RARB: variants seen among roughly 807,000 people sequenced by gnomAD.
The protein encoded by RARB is retinoic acid receptor beta, also known as HBV-activated protein.
RARB carries 17 observed loss-of-function variants against 51.9 expected under a neutral mutation model. The observed-to-expected ratio is 0.33, with a 90% CI of 0.22 to 0.49. RARB has a LOEUF of 0.49. Among genes scored for constraint, RARB ranks in the 20% least tolerant of loss-of-function variants. The pLI is 0.99. For missense variants in RARB, 369 were observed against 550.8 expected, an observed-to-expected ratio of 0.67 and a Z score of 3.30; for synonymous variants, 215 against 195.4, an observed-to-expected ratio of 1.10 and a Z score of -0.84.
intron 5 of RARB, among the ~76,000 whole-genome samples, chr3:25,222,079 C>T (rs1701960157): frequency 6.6e-6 from 1 of 152,162 alleles, no homozygotes; most frequent in Non-Finnish European, 1.5e-5. Flanking sequence ...GGTAATACAT[C>T]ACTGGCGTGA....
At chr3:25,032,615 G>T (rs1431913217) in intron 2 of RARB, among the ~76,000 whole-genome samples, 2 of 152,164 alleles carry the variant, frequency 1.3e-5, no homozygotes, top group Middle Eastern at 3.2e-3. Flanking sequence ...AGGGTGAAAA[G>T]CTTCAAAATA....
At chr3:24,885,809 A>T (rs545726394) in intron 2 of RARB, among the ~76,000 whole-genome samples, 26 of 152,296 alleles carry the variant, frequency 1.7e-4, no homozygotes, top group Non-Finnish European at 2.9e-4. Context: ...AAACCAGATG[A>T]TGTTTCAAAT....
chr3:24,927,553 T>A (rs1381076586), intron 2 of RARB, among the ~76,000 whole-genome samples: 1 of 151,976 alleles, frequency 6.6e-6, no homozygotes, highest in Non-Finnish European at 1.5e-5. Context: ...TCTTCAGTAA[T>A]TCAGATAAGA....
chr3:25,044,661 C>T (rs17015670), intron 2 of RARB, among the ~76,000 whole-genome samples: 21,987 of 152,102 alleles, frequency 0.14, 1,704 homozygotes, highest in South Asian at 0.29. Context: ...CTCTTGTTCC[C>T]TGCAAATACT....
At chr3:24,914,447 C>A (rs1695064741) in intron 2 of RARB, among the ~76,000 whole-genome samples, 1 of 152,106 alleles carries the variant, frequency 6.6e-6, no homozygotes, top group African/African-American at 2.4e-5. Flanking sequence ...GGTAATTCAA[C>A]CTTCCGGATT....
intron 2 of RARB, among the ~76,000 whole-genome samples, chr3:24,874,895 C>T (rs1174493426): frequency 1.3e-5 from 2 of 151,998 alleles, no homozygotes; most frequent in African/African-American, 4.8e-5. Flanking sequence ...TACTCTACTA[C>T]ACTAAAAGTT....
At position 25,586,992 on chromosome 3, in the gene RARB, G is replaced by A. The variant is rs79547902; in HGVS notation, c.786+6270G>A. ...ATTGCTGTGGGGTAGCCAGTGTAGCGGTTAAGAGGGTGGGCTTTGCAGTCC... is the reference window on the plus strand; with the variant it reads ...ATTGCTGTGGGGTAGCCAGTGTAGCAGTTAAGAGGGTGGGCTTTGCAGTCC... On this transcript the variant is annotated intron_variant, in intron 5 of 7. Transcript: ENST00000330688. Among the ~76,000 whole-genome samples, 336 of 152,322 alleles carry A rather than the reference G, an allele frequency of 2.2e-3. 1 individual carries two copies. Among genetic ancestry groups the A allele is most frequent in the African/African-American group, 7.4e-3 (309 of 41,572 alleles).
chr3:25,489,983 A>C (rs1272814555), intron 2 of RARB, among the ~76,000 whole-genome samples: 1 of 152,286 alleles, frequency 6.6e-6, no homozygotes, highest in Non-Finnish European at 1.5e-5. Flanking sequence ...CTGGAGCTTA[A>C]GTAATATTTT....
At chr3:24,916,885 A>G (rs970697262) in intron 2 of RARB, among the ~76,000 whole-genome samples, 2 of 152,308 alleles carry the variant, frequency 1.3e-5, no homozygotes, top group Middle Eastern at 3.4e-3. Context: ...GCCTACCTGT[A>G]TAATGAAACT....
chr3:25,506,714 A>G (rs1286644), intron 3 of RARB, among the ~76,000 whole-genome samples: 87,908 of 152,270 alleles, frequency 0.58, 28,156 homozygotes, highest in African/African-American at 0.87. Flanking sequence ...GTGTGGTTAT[A>G]TTCCAGTAAA....
chr3:24,973,173 C>A (rs1033906800), intron 2 of RARB, among the ~76,000 whole-genome samples: 2 of 151,976 alleles, frequency 1.3e-5, no homozygotes, highest in African/African-American at 4.8e-5. Flanking sequence ...AGATAAGGGC[C>A]TAGTTCATTC....
intron 2 of RARB, among the ~76,000 whole-genome samples, chr3:24,947,779 A>T (rs116206999): frequency 0.02 from 3,020 of 152,278 alleles, 59 homozygotes; most frequent in Middle Eastern, 0.065. Flanking sequence ...TCTCCAGTCA[A>T]ATAGAGCTGC....
chr3:24,889,875 C>T (rs1703343757), intron 2 of RARB, among the ~76,000 whole-genome samples: 1 of 146,790 alleles, frequency 6.8e-6, no homozygotes, highest in Admixed American at 6.9e-5. Flanking sequence ...GCAGACCATT[C>T]TAAGAAGTTA....
At chr3:25,122,665 T>C (rs1201643472) in intron 3 of RARB, among the ~76,000 whole-genome samples, 2 of 152,108 alleles carry the variant, frequency 1.3e-5, no homozygotes, top group Non-Finnish European at 1.5e-5. Flanking sequence ...AGTGAGATCT[T>C]GGTTAAATGG....
At position 24,941,264 on chromosome 3, in the gene RARB, C is replaced by T. The variant is rs554229257; in HGVS notation, c.-380+82512C>T. Among the ~76,000 whole-genome samples the T allele has an allele frequency of 6.6e-5, 10 of 152,150 alleles. No individual in the cohort carries two copies. The East Asian group carries it at 1.7e-3, about 26-fold the overall frequency. On this transcript the variant is annotated intron_variant, in intron 2 of 11. Transcript: ENST00000383772. The stretch of plus-strand genomic sequence containing the variant: ...CCTTAGCATTCTTGGAGATATTGGA[C>T]TAACTTTGGGTTGACAATTTTTACT...
At chr3:25,282,825 C>T (rs1703558622) in intron 5 of RARB, among the ~76,000 whole-genome samples, 1 of 152,220 alleles carries the variant, frequency 6.6e-6, no homozygotes, top group African/African-American at 2.4e-5. Flanking sequence ...TGGAAGCTTT[C>T]TCGTAAGCCT....
chr3:25,487,706 G>C (rs947429571), intron 2 of RARB, among the ~76,000 whole-genome samples: 1 of 152,178 alleles, frequency 6.6e-6, no homozygotes, highest in African/African-American at 2.4e-5. Context: ...CATTAATTCA[G>C]AATCTCCTTC....
At chr3:25,382,579 G>A (rs1030695830) in intron 5 of RARB, among the ~76,000 whole-genome samples, 3 of 152,190 alleles carry the variant, frequency 2.0e-5, no homozygotes, top group Non-Finnish European at 4.4e-5. Context: ...CAGGAGGCTG[G>A]GTGCGGTGGC....
chr3:24,986,793 C>G (rs1363024404), intron 2 of RARB, among the ~76,000 whole-genome samples: 3 of 152,082 alleles, frequency 2.0e-5, no homozygotes, highest in African/African-American at 7.2e-5. Flanking sequence ...CACATCGCAG[C>G]CTTCACCCTG....
Sources: allele counts gnomAD v4.1 joint callset (sites outside exome capture counted in the v4.1 genomes callset), GRCh38; gene constraint gnomAD v4.1.1; transcripts MANE v1.5; gene names NCBI Gene and HGNC (gene_info 2026-07-23, HGNC 2026-07-21).